Variants in NSDHL observed in about 807,000 individuals in gnomAD.
The protein encoded by NSDHL is sterol-4-alpha-carboxylate 3-dehydrogenase, decarboxylating.
NSDHL carries 1 observed loss-of-function variant against 23.0 expected under a neutral mutation model. That is an observed-to-expected ratio of 0.04 (90% CI 0.02 to 0.21). NSDHL has a LOEUF of 0.21. NSDHL is among the 10% of genes least tolerant of loss of function. NSDHL has a pLI of 1.00. For synonymous variants in NSDHL, 128 were observed against 121.1 expected (o/e 1.06, Z -0.37); for missense variants, 237 against 300.9 (o/e 0.79, Z 1.57).
intron 3 of NSDHL, among the ~76,000 whole-genome samples, chrX:152,856,212 G>A (rs1377196048): frequency 1.8e-5 from 2 of 111,978 alleles, no homozygotes; most frequent in African/African-American, 3.3e-5. Context: ...CATTAGCCAC[G>A]TGCAACTATT....
intron 1 of NSDHL, among the ~76,000 whole-genome samples, chrX:152,840,715 C>G (rs952043204): frequency 8.9e-6 from 1 of 112,243 alleles, no homozygotes; most frequent in East Asian, 2.8e-4. Flanking sequence ...TATAAGGTGT[C>G]TGTCGGCCCC....
chrX:152,862,018 T>C (rs187782797), intron 4 of NSDHL, among the ~76,000 whole-genome samples: 3 of 112,723 alleles, frequency 2.7e-5, no homozygotes, highest in East Asian at 2.8e-4. Flanking sequence ...ATGGGAACGA[T>C]ATGATTCATG....
At chrX:152,858,145 C>A (rs1556847149) in intron 3 of NSDHL, among the ~76,000 whole-genome samples, 2 of 111,306 alleles carry the variant, frequency 1.8e-5, no homozygotes. Flanking sequence ...TTCAGGTTGG[C>A]CCTTGAGTGC....
At chrX:152,852,733 G>A (rs1369426721) in intron 3 of NSDHL, among the ~76,000 whole-genome samples, 1 of 110,918 alleles carries the variant, frequency 9.0e-6, no homozygotes, top group Admixed American at 9.6e-5. Flanking sequence ...CTCCCCTGCT[G>A]TTCCCGAGGA....
chrX:152,867,799 G>C (rs1219589599), intron 7 of NSDHL, 126 bp downstream of exon 7: 1 of 545,763 alleles, frequency 1.8e-6, no homozygotes, highest in Non-Finnish European at 3.1e-6. Context: ...AGGACCCCCT[G>C]TGCCAAGATC....
At position 152,868,867 on chromosome X, in the gene NSDHL, C is replaced by T. The variant is rs369850787; in HGVS notation, c.873C>T (p.Pro291=). 8.3e-7 allele frequency: 1 copy of T among 1,209,207 alleles called. No individual in the cohort carries two copies. The highest frequency in any genetic ancestry group is 1.1e-6 in the Non-Finnish European group (1 of 894,076). ...RILTGLNYEA[P]KYHIPYWVAY... ...TGACAGGCCTCAATTATGAGGCCCC[C>T]AAGTACCACATCCCCTACTGGGTGG... Residue 291 remains proline, a synonymous_variant, in exon 8 of 8, where the codon CCC becomes CCT. Transcript: ENST00000370274.
intron 3 of NSDHL, among the ~76,000 whole-genome samples, chrX:152,854,903 G>A (rs956842705): frequency 9.1e-6 from 1 of 109,293 alleles, no homozygotes; most frequent in South Asian, 4.0e-4. Context: ...GAGAGAGAGA[G>A]AGAGAGGAGA....
chrX:152,831,198 GC>G, intron 1 of NSDHL, 81 bp downstream of exon 1: 1 of 297,874 alleles, frequency 3.4e-6, no homozygotes, highest in South Asian at 1.9e-4. Context: ...CTACGGGGTC[GC>G]CCGGGTCGGG....
At chrX:152,854,835 CA>C (rs1273684364) in intron 3 of NSDHL, among the ~76,000 whole-genome samples, 2 of 108,018 alleles carry the variant, frequency 1.9e-5, no homozygotes, top group East Asian at 5.8e-4. Flanking sequence ...ACCTGGACTA[CA>C]TAACAAGACC....
intron 2 of NSDHL, among the ~76,000 whole-genome samples, chrX:152,846,959 A>G (rs781918616): frequency 8.9e-6 from 1 of 112,488 alleles, no homozygotes; most frequent in African/African-American, 3.2e-5. Flanking sequence ...GATTCTTCAC[A>G]TCAGTCTGCA....
intron 4 of NSDHL, 90 bp from the exon 5 acceptor site, chrX:152,862,506 G>A: frequency 1.1e-6 from 1 of 889,118 alleles, no homozygotes; most frequent in East Asian, 3.1e-5. Context: ...GCAACAAAGG[G>A]ATGCCCCTGA....
chrX:152,865,991 G>A (rs988348646), intron 6 of NSDHL, 30 bp downstream of exon 6: 6 of 1,201,525 alleles, frequency 5.0e-6, no homozygotes, highest in Admixed American at 2.2e-5. Context: ...CTCTTCCCTA[G>A]TCCTTCCTGG....
At chrX:152,863,600 G>A (rs184356228) in intron 5 of NSDHL, among the ~76,000 whole-genome samples, 1 of 112,910 alleles carries the variant, frequency 8.9e-6, no homozygotes, top group Non-Finnish European at 1.9e-5. Context: ...AAGGGCACCT[G>A]ATTTTAGTAT....
At chrX:152,844,962 C>A (rs181416853) in intron 1 of NSDHL, among the ~76,000 whole-genome samples, 2 of 111,925 alleles carry the variant, frequency 1.8e-5, no homozygotes, top group East Asian at 5.6e-4. Flanking sequence ...TTGACAGGGC[C>A]CCTACCAATG....
At chrX:152,866,001 G>C in intron 6 of NSDHL, 40 bp downstream of exon 6, 1 of 1,195,557 alleles carries the variant, frequency 8.4e-7, no homozygotes, top group Non-Finnish European at 1.1e-6. Flanking sequence ...GTCCTTCCTG[G>C]TCCATGCTCG....
chrX:152,831,946 T>C (rs1556843463), intron 1 of NSDHL, among the ~76,000 whole-genome samples: 1 of 111,643 alleles, frequency 9.0e-6, no homozygotes, highest in African/African-American at 3.3e-5. Flanking sequence ...CCCTTTGCCC[T>C]CTTCTCTCTT....
chrX:152,860,783 T>C (rs1556847447), intron 4 of NSDHL, among the ~76,000 whole-genome samples: 2 of 111,881 alleles, frequency 1.8e-5, no homozygotes, highest in African/African-American at 3.2e-5. Context: ...CCACAGCATT[T>C]AAGAAACAAC....
chrX:152,840,614 C>T (rs1933175450), intron 1 of NSDHL, among the ~76,000 whole-genome samples: 1 of 112,351 alleles, frequency 8.9e-6, no homozygotes. Flanking sequence ...AACCCTGTTT[C>T]CCTGGGTATC....
At chrX:152,853,128 C>CGTGTGTGTGTGTGTGTGTGTGT (rs35307183) in intron 3 of NSDHL, among the ~76,000 whole-genome samples, 3 of 97,138 alleles carry the variant, frequency 3.1e-5, no homozygotes, top group East Asian at 3.4e-4. Context: ...CTCTCAGGCA[C>CGTGTGTGTGTGTGTGTGTGTGT]GTGTGTGTGT....
Sources: allele counts gnomAD v4.1 joint callset (sites outside exome capture counted in the v4.1 genomes callset), GRCh38; gene constraint gnomAD v4.1.1; transcripts MANE v1.5; gene names NCBI Gene and HGNC (gene_info 2026-07-23, HGNC 2026-07-21).